TMEM132C: variants seen among roughly 807,000 people sequenced by gnomAD.
TMEM132C encodes the protein protein phosphatase 1, regulatory subunit 152.
A neutral mutation model predicts 61.4 loss-of-function variants in TMEM132C; 29 were observed. That is an observed-to-expected ratio of 0.47 (90% CI 0.35 to 0.64). The LOEUF (loss-of-function observed/expected upper bound fraction) is 0.64, where lower values mean the gene tolerates loss of function less well. Ranked by LOEUF, TMEM132C falls within the 30% of genes least tolerant of loss-of-function variation. The pLI is 0.00. For synonymous variants in TMEM132C, 656 were observed against 633.1 expected, an observed-to-expected ratio of 1.04 and a Z score of -0.54; for missense variants, 1,408 against 1,476.9, an observed-to-expected ratio of 0.95 and a Z score of 0.76.
chr12:128,605,261 G>A (rs1173483663), intron 3 of TMEM132C, among the ~76,000 whole-genome samples: 3 of 152,136 alleles, frequency 2.0e-5, no homozygotes. Context: ...CTTCCATTCT[G>A]AAGGTATGAG....
intron 2 of TMEM132C, among the ~76,000 whole-genome samples, chr12:128,516,735 G>A (rs780061229): frequency 5.3e-5 from 8 of 152,042 alleles, no homozygotes; most frequent in Non-Finnish European, 1.0e-4. Flanking sequence ...AACATAGCAA[G>A]ACTCCACCTC....
At chr12:128,581,962 A>G (rs1285470936) in intron 3 of TMEM132C, among the ~76,000 whole-genome samples, 1 of 152,244 alleles carries the variant, frequency 6.6e-6, no homozygotes, top group African/African-American at 2.4e-5. Context: ...TCCTTCCTAC[A>G]TTTCCTCAGC....
At chr12:128,271,227 C>T (rs1870502760) in intron 1 of TMEM132C, among the ~76,000 whole-genome samples, 1 of 150,788 alleles carries the variant, frequency 6.6e-6, no homozygotes, top group Non-Finnish European at 1.5e-5. Flanking sequence ...GCACTCCAGC[C>T]TGGGTGACAG....
intron 2 of TMEM132C, among the ~76,000 whole-genome samples, chr12:128,460,237 A>G (rs529248151): frequency 6.6e-6 from 1 of 152,280 alleles, no homozygotes; most frequent in Admixed American, 6.5e-5. Flanking sequence ...TGGTAGAACA[A>G]ACTTCAGGCA....
At chr12:128,646,027 T>C (rs553408289) in intron 4 of TMEM132C, among the ~76,000 whole-genome samples, 1 of 148,380 alleles carries the variant, frequency 6.7e-6, no homozygotes, top group East Asian at 2.1e-4. Flanking sequence ...TTTCCTGGAG[T>C]CCATCAGCAT....
chr12:128,700,759 A>G (rs1185788642), intron 8 of TMEM132C, among the ~76,000 whole-genome samples: 1 of 152,236 alleles, frequency 6.6e-6, no homozygotes, highest in Non-Finnish European at 1.5e-5. Context: ...GTATTTGTGC[A>G]TGAGGTTGAG....
chr12:128,610,577 T>C (rs960257066), intron 3 of TMEM132C, among the ~76,000 whole-genome samples: 2 of 152,186 alleles, frequency 1.3e-5, no homozygotes. Flanking sequence ...TTGGGTGCTC[T>C]CTGGAGTCAC....
At chr12:128,559,757 C>G (rs183774270) in intron 3 of TMEM132C, among the ~76,000 whole-genome samples, 1 of 152,244 alleles carries the variant, frequency 6.6e-6, no homozygotes, top group Admixed American at 6.5e-5. Context: ...TATTTGTGAG[C>G]CTGGGATCCA....
intron 8 of TMEM132C, 84 bp downstream of exon 8, chr12:128,697,499 A>C: frequency 7.4e-7 from 1 of 1,356,150 alleles, no homozygotes; most frequent in Non-Finnish European, 9.9e-7. Context: ...TGGAGTGAGA[A>C]ATGGGGGCAG....
chr12:128,646,367 G>A (rs1405477156), intron 4 of TMEM132C, among the ~76,000 whole-genome samples: 1 of 151,402 alleles, frequency 6.6e-6, no homozygotes, highest in South Asian at 2.1e-4. Flanking sequence ...TGTGTTTACT[G>A]GAGTCCATCA....
At chr12:128,610,370 C>T (rs760802918) in intron 3 of TMEM132C, among the ~76,000 whole-genome samples, 2 of 152,194 alleles carry the variant, frequency 1.3e-5, no homozygotes. Context: ...AACTCACCCC[C>T]AGACTCAATT....
At position 128,705,919 on chromosome 12, in the gene TMEM132C, T is replaced by G. The variant is rs529533252; in HGVS notation, c.2951T>G (p.Met984Arg). The change falls in exon 9 of 9, where the codon ATG becomes AGG. Residue 984 changes from methionine (M) to arginine (R), a missense_variant. Coordinates refer to ENST00000435159, the MANE Select transcript of TMEM132C (RefSeq NM_001136103.3). ...AATGAGGCCGAACTCCTGGAGAGCA[T>G]GGGGGATGCGCCGCCGCCCCAGGAC... The part of the protein sequence containing the change: ...LGNEAELLES[M>R]GDAPPPQDEH... The G allele has an allele frequency of 6.4e-7, 1 of 1,551,314 alleles. No homozygotes were observed. The highest frequency in any genetic ancestry group is 1.2e-5 in the South Asian group (1 of 84,056).
At chr12:128,293,961 G>T (rs1281452113) in intron 1 of TMEM132C, 2 of 154,342 alleles carry the variant, frequency 1.3e-5, no homozygotes, top group African/African-American at 2.4e-5. Flanking sequence ...ACCTCACTCG[G>T]ATTTCATTTG....
Position 128,543,958 on chromosome 12 carries a change from G to A in TMEM132C, c.976G>A (p.Ala326Thr). The change falls in exon 3 of 9, where the codon GCC becomes ACC. Residue 326 changes from alanine (A) to threonine (T), a missense_variant and splice_region_variant. By Grantham distance (58) the Ala-to-Thr change is moderately conservative. Coordinates refer to ENST00000435159, the MANE Select transcript of TMEM132C (RefSeq NM_001136103.3). The stretch of plus-strand genomic sequence containing the variant: ...TCTCTCCCATCTTCATCCCCACAGA[G>A]CCAAGGTGAAGAAGGGGGTGAACAT... ...NSSVDLFILRAKVKKGVNILS... is the reference protein window; with the variant it reads ...NSSVDLFILRTKVKKGVNILS... 1.3e-6 allele frequency: 2 copies of A among 1,545,106 alleles called. No individual in the cohort carries two copies. Among genetic ancestry groups the A allele is most frequent in the Non-Finnish European group, 8.7e-7 (1 of 1,144,152 alleles).
chr12:128,303,404 G>A (rs941128380), intron 1 of TMEM132C, among the ~76,000 whole-genome samples: 3 of 152,114 alleles, frequency 2.0e-5, no homozygotes, highest in Non-Finnish European at 2.9e-5. Context: ...GGGATCCATC[G>A]TGACTGAGCC....
At chr12:128,529,999 A>G (rs543904052) in intron 2 of TMEM132C, among the ~76,000 whole-genome samples, 6 of 149,260 alleles carry the variant, frequency 4.0e-5, no homozygotes, top group African/African-American at 1.5e-4. Context: ...TCAATCTGGT[A>G]TTTGGCTAAA....
Position 128,267,359 on chromosome 12 carries a change from C to T in TMEM132C, c.-44C>T. ...CGGCGGGGGCCGCGGGCGGGCGCTG[C>T]GCTTCGGGCTGGCGGCGGGCTGCGT... On this transcript the variant is annotated 5_prime_UTR_variant, in exon 1 of 9. Transcript: ENST00000435159. 2.0e-6 allele frequency: 2 copies of T among 1,006,054 alleles called. No individual in the cohort carries two copies. The highest frequency in any genetic ancestry group is 1.2e-6 in the Non-Finnish European group (1 of 843,326). 62.3% of individuals were successfully genotyped at this position (1,006,054 alleles called of 1,614,324 possible).
chr12:128,368,372 C>T (rs1873931932), intron 1 of TMEM132C, among the ~76,000 whole-genome samples: 1 of 152,208 alleles, frequency 6.6e-6, no homozygotes, highest in Non-Finnish European at 1.5e-5. Context: ...TGCTTGAATC[C>T]AGTCTAGCTC....
At position 128,707,052 on chromosome 12, in the gene TMEM132C, T is replaced by A. The variant is rs1412453657; in HGVS notation, c.*757T>A. 1 of 152,234 alleles carries A rather than the reference T, an allele frequency of 6.6e-6. No homozygotes were observed. Among genetic ancestry groups the A allele is most frequent in the African/African-American group, 2.4e-5 (1 of 41,462 alleles). 9.4% of individuals were successfully genotyped at this position (152,234 alleles called of 1,614,324 possible). A position where few individuals can be genotyped will look rare whatever the true frequency, so the allele number is the denominator to read the frequency against. On this transcript the variant is annotated 3_prime_UTR_variant, in exon 9 of 9. Transcript: ENST00000435159. The stretch of plus-strand genomic sequence containing the variant: ...TTGTTTAAGTAGTAACTTGAATGTT[T>A]TTCTATATCCCTCCAGCTTTGTTGA...
Sources: gnomAD v4.1 joint callset for allele counts (sites outside exome capture counted in the v4.1 genomes callset) on GRCh38, gnomAD v4.1.1 for gene constraint, MANE v1.5 for transcripts, NCBI Gene and HGNC (gene_info 2026-07-23, HGNC 2026-07-21) for gene names.